The following BOC variants were observed in gnomAD, a reference collection of about 807,000 sequenced individuals.
BOC encodes BOC cell adhesion associated, oncogene regulated, also known as brother of CDO.
Under a neutral mutation model 112.0 loss-of-function variants are expected in BOC, and 76 were observed. The observed-to-expected ratio is 0.68, with a 90% CI of 0.56 to 0.82. BOC has a LOEUF of 0.82. Ranked by LOEUF, BOC falls within the 40% of genes least tolerant of loss-of-function variation. The pLI, the probability that BOC is intolerant of heterozygous loss-of-function variation, is 0.00. For missense variants in BOC, 1,309 were observed against 1,511.7 expected (o/e 0.87, Z 2.22); for synonymous variants, 580 against 599.8 (o/e 0.97, Z 0.48).
chr3:113,258,025 C>T (rs780411015), intron 4 of BOC, among the ~76,000 whole-genome samples: 1 of 152,168 alleles, frequency 6.6e-6, no homozygotes, highest in Non-Finnish European at 1.5e-5. Flanking sequence ...GCAAGCCAGC[C>T]CCATGAGTTG....
At chr3:113,246,113 A>T (rs558179056) in intron 2 of BOC, among the ~76,000 whole-genome samples, 4 of 152,176 alleles carry the variant, frequency 2.6e-5, no homozygotes, top group Non-Finnish European at 2.9e-5. Flanking sequence ...TTGTTTTTGG[A>T]AAGTTTCAAA....
At chr3:113,268,769 G>A (rs1408537507) in intron 5 of BOC, among the ~76,000 whole-genome samples, 1 of 152,128 alleles carries the variant, frequency 6.6e-6, no homozygotes, top group Non-Finnish European at 1.5e-5. Context: ...ACCATGCTTG[G>A]CTAACTTTAA....
In BOC at chr3:113,250,731, G is replaced by C. The variant is rs551152491; in HGVS notation, c.274G>C (p.Val92Leu). 4 of 1,614,138 alleles carry C rather than the reference G, an allele frequency of 2.5e-6. 1 individual carries two copies. Among genetic ancestry groups the C allele is most frequent in the Middle Eastern group, 1.6e-4 (1 of 6,062 alleles). The change falls in exon 4 of 20, where the codon GTC (valine) becomes CTC (leucine). Residue 92 changes from valine to leucine, a missense_variant. Coordinates refer to ENST00000682979, the MANE Select transcript of BOC (RefSeq NM_001378074.1). ...LGVLITHGTL[V>L]ITALNNHTVG... is the part of the protein sequence containing the mutation. ...TGTCCTCATCACCCACGGGACCCTC[G>C]TCATCACTGCCCTTAACAACCACAC...
At chr3:113,229,827 A>G (rs1284008596) in intron 2 of BOC, among the ~76,000 whole-genome samples, 1 of 152,198 alleles carries the variant, frequency 6.6e-6, no homozygotes, top group Non-Finnish European at 1.5e-5. Flanking sequence ...AGTACAGAAC[A>G]TTTCTGGCAG....
chr3:113,265,152 G>A (rs1437721830), intron 4 of BOC, among the ~76,000 whole-genome samples: 2 of 152,206 alleles, frequency 1.3e-5, no homozygotes, highest in African/African-American at 2.4e-5. Context: ...TGAGGTGGGT[G>A]CCTGGCAGAG....
At chr3:113,275,378 A>G (rs912904717) in intron 9 of BOC, among the ~76,000 whole-genome samples, 1 of 152,272 alleles carries the variant, frequency 6.6e-6, no homozygotes, top group Non-Finnish European at 1.5e-5. Context: ...AGCCAGGCCT[A>G]TGCTCCTGGA....
chr3:113,279,527 G>C, intron 12 of BOC, 72 bp downstream of exon 12: 2 of 1,445,736 alleles, frequency 1.4e-6, no homozygotes, highest in Non-Finnish European at 1.9e-6. Flanking sequence ...GGAGGATGAC[G>C]AGCCTGGGAT....
intron 9 of BOC, among the ~76,000 whole-genome samples, chr3:113,276,584 G>A (rs541618852): frequency 1.4e-4 from 21 of 152,208 alleles, no homozygotes; most frequent in African/African-American, 4.1e-4. Flanking sequence ...ATTTGAAATC[G>A]AAAGTCAGCA....
intron 2 of BOC, among the ~76,000 whole-genome samples, chr3:113,224,274 C>T (rs1419834402): frequency 6.6e-6 from 1 of 152,132 alleles, no homozygotes; most frequent in African/African-American, 2.4e-5. Flanking sequence ...ATTGAGGGAC[C>T]TGTTTTGTGG....
chr3:113,271,366 C>G (rs960240609), intron 6 of BOC: 5 of 386,804 alleles, frequency 1.3e-5, no homozygotes, highest in South Asian at 3.9e-5. Flanking sequence ...GGCCTGCACT[C>G]TCTGCACTGA....
rs1251575639 is a variant in BOC at position 113,285,545 on chromosome 3, G to A, written c.3140G>A (p.Trp1047Ter). 1 of 1,592,668 alleles carries A rather than the reference G, an allele frequency of 6.3e-7. No individual in the cohort carries two copies. Among genetic ancestry groups the A allele is most frequent in the Non-Finnish European group, 8.6e-7 (1 of 1,169,008 alleles). ...GACAGTCCTGTCCTGGAAGCAGTGT[G>A]GGACCCTCCATTTCACTCAGGTTGG... is the stretch of plus-strand genomic sequence containing the variant. ...APDSPVLEAV[W>*]DPPFHSGPPC... is the part of the protein sequence containing the mutation. The change falls in exon 19 of 20, where the codon TGG becomes TAG. Residue 1047 changes from tryptophan (W) to a stop codon, truncating the protein, a stop_gained. Transcript: ENST00000682979. LOFTEE classifies it high-confidence loss of function.
chr3:113,231,591 G>A (rs1236990073), intron 2 of BOC, among the ~76,000 whole-genome samples: 1 of 152,136 alleles, frequency 6.6e-6, no homozygotes, highest in African/African-American at 2.4e-5. Flanking sequence ...AGACTTTAGT[G>A]CATACTCTCT....
intron 2 of BOC, among the ~76,000 whole-genome samples, chr3:113,232,858 T>A (rs899157704): frequency 6.6e-6 from 1 of 152,200 alleles, no homozygotes; most frequent in African/African-American, 2.4e-5. Flanking sequence ...TTATAGATGT[T>A]TACTAATGTG....
chr3:113,242,048 A>G (rs1057493615), intron 2 of BOC, among the ~76,000 whole-genome samples: 2 of 152,056 alleles, frequency 1.3e-5, no homozygotes, highest in African/African-American at 4.8e-5. Flanking sequence ...GCTCTGAATG[A>G]AGAGAGAGAA....
At chr3:113,262,968 G>A (rs1947055239) in intron 4 of BOC, among the ~76,000 whole-genome samples, 1 of 152,214 alleles carries the variant, frequency 6.6e-6, no homozygotes, top group African/African-American at 2.4e-5. Flanking sequence ...AAAACTCTTA[G>A]TGACTTTACT....
intron 2 of BOC, among the ~76,000 whole-genome samples, chr3:113,227,805 G>A (rs761123736): frequency 1.3e-5 from 2 of 151,796 alleles, no homozygotes; most frequent in Non-Finnish European, 2.9e-5. Flanking sequence ...ACAAAGAATA[G>A]TATCATGAAC....
chr3:113,235,628 A>G (rs567485367), intron 2 of BOC, among the ~76,000 whole-genome samples: 1 of 152,226 alleles, frequency 6.6e-6, no homozygotes, highest in Non-Finnish European at 1.5e-5. Flanking sequence ...TTATTAGCTT[A>G]AGTGATATTA....
chr3:113,214,098 A>G (rs1408796425), intron 1 of BOC, among the ~76,000 whole-genome samples: 14 of 152,230 alleles, frequency 9.2e-5, no homozygotes, highest in Admixed American at 9.2e-4. Context: ...AGAGGTTGCT[A>G]GAAGCCAGAA....
At chr3:113,275,960 G>A (rs1948624037) in intron 9 of BOC, among the ~76,000 whole-genome samples, 1 of 152,218 alleles carries the variant, frequency 6.6e-6, no homozygotes, top group Admixed American at 6.5e-5. Flanking sequence ...GCAGGGGGAC[G>A]GGGCGAGCAG....
Sources: gnomAD v4.1 joint callset for allele counts (sites outside exome capture counted in the v4.1 genomes callset) on GRCh38, gnomAD v4.1.1 for gene constraint, MANE v1.5 for transcripts, NCBI Gene and HGNC (gene_info 2026-07-23, HGNC 2026-07-21) for gene names.